The following RIMBP2 variants were observed in gnomAD, a reference collection of about 807,000 sequenced individuals.
RIMBP2 encodes the protein RIMS binding protein 2.
Under a neutral mutation model 118.6 loss-of-function variants are expected in RIMBP2, and 48 were observed. That is an observed-to-expected ratio of 0.40 (90% confidence interval 0.32 to 0.51). The LOEUF (loss-of-function observed/expected upper bound fraction) is 0.51. Ranked by LOEUF, RIMBP2 falls within the 20% of genes least tolerant of loss-of-function variation. The pLI is 0.41. For synonymous variants in RIMBP2, 762 were observed against 742.9 expected (o/e 1.03, Z -0.42); for missense variants, 1,551 against 1,768.3 (o/e 0.88, Z 2.20).
At chr12:130,665,312 C>T (rs924916004) in intron 1 of RIMBP2, among the ~76,000 whole-genome samples, 2 of 151,520 alleles carry the variant, frequency 1.3e-5, no homozygotes, top group Non-Finnish European at 2.9e-5. Context: ...ATCACTTGAG[C>T]TCAAGAGTTC....
At chr12:130,480,961 T>C (rs539212619) in intron 4 of RIMBP2, among the ~76,000 whole-genome samples, 4 of 152,226 alleles carry the variant, frequency 2.6e-5, no homozygotes, top group Admixed American at 6.5e-5. Flanking sequence ...TCGCAAGTCA[T>C]GAGGTCGGAC....
intron 4 of RIMBP2, among the ~76,000 whole-genome samples, chr12:130,481,835 C>A (rs994387625): frequency 6.6e-6 from 1 of 152,200 alleles, no homozygotes; most frequent in African/African-American, 2.4e-5. Context: ...CCCTGACACA[C>A]TGCTCCCCCC....
At chr12:130,634,592 T>C (rs1381044083) in intron 1 of RIMBP2, among the ~76,000 whole-genome samples, 1 of 74,222 alleles carries the variant, frequency 1.3e-5, no homozygotes, top group Non-Finnish European at 3.1e-5. Context: ...TCTTTAAAGA[T>C]GACTTTTTTT....
At chr12:130,532,159 G>A (rs527485822) in intron 2 of RIMBP2, among the ~76,000 whole-genome samples, 6 of 132,380 alleles carry the variant, frequency 4.5e-5, no homozygotes, top group African/African-American at 8.6e-5. Context: ...TGAGATGCGT[G>A]TGTTTAGCCT....
chr12:130,559,401 G>A (rs1027946226), intron 2 of RIMBP2, among the ~76,000 whole-genome samples: 1 of 152,038 alleles, frequency 6.6e-6, no homozygotes, highest in African/African-American at 2.4e-5. Context: ...TCGCCTATGA[G>A]TAGATCACGT....
chr12:130,473,968 A>G (rs191452122), intron 5 of RIMBP2, among the ~76,000 whole-genome samples: 3 of 152,342 alleles, frequency 2.0e-5, no homozygotes. Context: ...TGTAGACCGA[A>G]GTAAAATCGG....
At chr12:130,468,197 G>T (rs2080676552) in intron 6 of RIMBP2, among the ~76,000 whole-genome samples, 1 of 152,176 alleles carries the variant, frequency 6.6e-6, no homozygotes, top group Non-Finnish European at 1.5e-5. Flanking sequence ...GGTTCCCAAA[G>T]TGCTCACCCT....
At position 130,450,419 on chromosome 12, in the gene RIMBP2, C is replaced by T; in HGVS notation, c.505-143G>A. On this transcript the variant is annotated intron_variant, in intron 8 of 22. Coordinates refer to ENST00000690449, the MANE Select transcript of RIMBP2 (RefSeq NM_001393629.1). The surrounding 1 kb of genome is among the most constrained non-coding windows in gnomAD (Gnocchi z 4.8). ...CTGTGGCACTCCCAGGAGGCACTGC[C>T]ACCCGCACACCCACATGCGAGCTTG... 1.5e-6 allele frequency: 1 copy of T among 659,246 alleles called. No homozygotes were observed. The allele number at this position is 659,246 out of a possible 1,614,324, so 40.8% of individuals were successfully genotyped here. A position where few individuals can be genotyped will look rare whatever the true frequency, so the allele number is the denominator to read the frequency against.
chr12:130,489,060 G>A (rs1321257328), intron 4 of RIMBP2, among the ~76,000 whole-genome samples: 1 of 152,168 alleles, frequency 6.6e-6, no homozygotes, highest in Non-Finnish European at 1.5e-5. Context: ...CAGCCTGGCA[G>A]GGATTTCTGA....
intron 2 of RIMBP2, among the ~76,000 whole-genome samples, chr12:130,582,981 T>C (rs2058576811): frequency 6.6e-6 from 1 of 152,242 alleles, no homozygotes; most frequent in African/African-American, 2.4e-5. Flanking sequence ...TCCTCTTCTA[T>C]ACTTAAGAAT....
At chr12:130,537,816 A>T (rs1406951224) in intron 2 of RIMBP2, among the ~76,000 whole-genome samples, 4 of 152,206 alleles carry the variant, frequency 2.6e-5, no homozygotes, top group Non-Finnish European at 5.9e-5. Context: ...CCTAGCATGG[A>T]GAAGTCATTA....
At chr12:130,711,281 C>G (rs1949900945) in intron 1 of RIMBP2, among the ~76,000 whole-genome samples, 1 of 152,166 alleles carries the variant, frequency 6.6e-6, no homozygotes, top group Non-Finnish European at 1.5e-5. Context: ...TCTCACAAAT[C>G]CAGAGAAGCC....
At chr12:130,594,916 G>C (rs1339302228) in intron 2 of RIMBP2, among the ~76,000 whole-genome samples, 1 of 152,164 alleles carries the variant, frequency 6.6e-6, no homozygotes, top group Non-Finnish European at 1.5e-5. Flanking sequence ...TTCTTGCCGG[G>C]GAGTAATACA....
At chr12:130,716,055 C>T (rs1403665372) in intron 1 of RIMBP2, among the ~76,000 whole-genome samples, 167 bp downstream of exon 1, 1 of 152,194 alleles carries the variant, frequency 6.6e-6, no homozygotes, top group Non-Finnish European at 1.5e-5. Context: ...CCCAGCGCCC[C>T]CGGACCCCAC....
chr12:130,591,558 C>T (rs2059267067), intron 2 of RIMBP2, among the ~76,000 whole-genome samples: 1 of 152,116 alleles, frequency 6.6e-6, no homozygotes, highest in African/African-American at 2.4e-5. Context: ...CAGGGCTGGG[C>T]TCCCTTGAGA....
chr12:130,522,007 G>C (rs1252397070), intron 2 of RIMBP2, among the ~76,000 whole-genome samples: 3 of 152,096 alleles, frequency 2.0e-5, no homozygotes, highest in Non-Finnish European at 4.4e-5. Context: ...ATTGTCTGCA[G>C]CCACAAAAAG....
rs941119736 is a variant in RIMBP2 at position 130,703,481 on chromosome 12, G to A, written c.-352+12741C>T. 2.0e-5 allele frequency among the ~76,000 whole-genome samples: 3 copies of A among 152,134 alleles called. No homozygotes were observed. Among genetic ancestry groups the A allele is most frequent in the Non-Finnish European group, 4.4e-5 (3 of 68,014 alleles). ...GGCACGGGCACTCCCTCGGCCACCCGCCTGCCCTCCCCAATCCCTCACCCA... is the reference window on the plus strand; with the variant it reads ...GGCACGGGCACTCCCTCGGCCACCCACCTGCCCTCCCCAATCCCTCACCCA... On this transcript the variant is annotated intron_variant, in intron 1 of 22. Transcript: ENST00000690449. This position sits in a 1 kb window ranked among gnomAD's most constrained non-coding sequence, Gnocchi z 5.7.
chr12:130,568,481 C>G (rs944140946), intron 2 of RIMBP2, among the ~76,000 whole-genome samples: 3 of 152,248 alleles, frequency 2.0e-5, no homozygotes, highest in Non-Finnish European at 4.4e-5. Flanking sequence ...CCCAGAGAGC[C>G]GTGAGCAGAC....
At chr12:130,403,773 T>A (rs1432814900) in intron 21 of RIMBP2, among the ~76,000 whole-genome samples, 1 of 152,184 alleles carries the variant, frequency 6.6e-6, no homozygotes, top group Non-Finnish European at 1.5e-5. Flanking sequence ...TGAATACAGA[T>A]TATTATTATT....
Sources: allele counts gnomAD v4.1 joint callset (sites outside exome capture counted in the v4.1 genomes callset), GRCh38; gene constraint gnomAD v4.1.1; non-coding constraint Gnocchi (gnomAD v3.1); transcripts MANE v1.5; gene names NCBI Gene and HGNC (gene_info 2026-07-23, HGNC 2026-07-21).